TPP2: variants seen among roughly 807,000 people sequenced by gnomAD.
The protein encoded by TPP2 is tripeptidyl-peptidase 2.
A neutral mutation model predicts 155.9 loss-of-function variants in TPP2; 34 were observed. The ratio of observed to expected loss-of-function variants is 0.22; its 90% CI spans 0.17 to 0.29. The LOEUF is 0.29. Among genes scored for constraint, TPP2 ranks in the 10% least tolerant of loss-of-function variants. The pLI is 1.00. For missense variants in TPP2, 1,028 were observed against 1,522.3 expected (o/e 0.68, Z 5.40); for synonymous variants, 510 against 529.4 (o/e 0.96, Z 0.50).
At chr13:102,672,438 G>C (rs1335430570) in intron 27 of TPP2, among the ~76,000 whole-genome samples, 2 of 152,130 alleles carry the variant, frequency 1.3e-5, no homozygotes, top group South Asian at 4.1e-4. Context: ...TTGCTCTCAG[G>C]CTCCGGATAA....
At chr13:102,648,429 C>CGTGT (rs56934655) in intron 21 of TPP2, among the ~76,000 whole-genome samples, 20,860 of 147,746 alleles carry the variant, frequency 0.14, 1,657 homozygotes, top group Admixed American at 0.23. Flanking sequence ...ATAAGTTACA[C>CGTGT]GTGTGTGTGT....
At chr13:102,623,989 C>T (rs1243592636) in intron 6 of TPP2, among the ~76,000 whole-genome samples, 3 of 151,830 alleles carry the variant, frequency 2.0e-5, no homozygotes, top group East Asian at 1.9e-4. Flanking sequence ...ATTTTTGATC[C>T]GTGGTTGGTT....
chr13:102,617,288 T>G (rs1318835944), intron 4 of TPP2, among the ~76,000 whole-genome samples: 1 of 152,202 alleles, frequency 6.6e-6, no homozygotes, highest in Non-Finnish European at 1.5e-5. Flanking sequence ...TCAGTTAATA[T>G]ATTAGACCTC....
In TPP2 at chr13:102,620,414, T is replaced by C. The variant is rs572693792; in HGVS notation, c.620+1568T>C. ...CAGGTGGTACTAGATATAATGTAAC[T>C]TTTTTGCATAATACAGTATATCCTA... is the stretch of plus-strand genomic sequence containing the variant. On this transcript the variant is annotated intron_variant, in intron 5 of 29. Coordinates refer to ENST00000376052, the MANE Select transcript of TPP2 (RefSeq NM_001330588.2). 2.0e-5 allele frequency among the ~76,000 whole-genome samples: 3 copies of C among 152,352 alleles called. No homozygotes were observed. The South Asian group carries it at 6.2e-4, about 32-fold the overall frequency.
chr13:102,640,641 A>ATTTTTTTTTTTTTTTTT (rs5806315), intron 16 of TPP2, among the ~76,000 whole-genome samples: 4 of 84,198 alleles, frequency 4.8e-5, no homozygotes, highest in Non-Finnish European at 8.5e-5. Flanking sequence ...CCTGGTAATA[A>ATTTTTTTTTTTTTTTTT]TTTTTTTTTT....
At position 102,604,860 on chromosome 13, in the gene TPP2, C is replaced by T. The variant is rs766522848; in HGVS notation, c.233C>T (p.Thr78Ile). The T allele has an allele frequency of 2.4e-5, 38 of 1,613,990 alleles. No homozygotes were observed. The highest frequency in any genetic ancestry group is 3.1e-5 in the Non-Finnish European group (37 of 1,180,034). Residue 78 changes from threonine to isoleucine, a missense_variant, in exon 2 of 30, where the codon ACT (threonine) becomes ATT (isoleucine). Physicochemically the swap from Thr to Ile is moderately conservative, Grantham distance 89 (BLOSUM62 -1). This residue lies in a region of TPP2 where 300 missense variants were observed against 398.3 expected (regional missense o/e 0.75). Transcript: ENST00000376052. Reference sequence around the variant, plus strand: ...ACAACAGGAAGTGGCGATGTGAATACTGCTACAGAAGTAGAGCCAAAGGAT... The same window carrying T: ...ACAACAGGAAGTGGCGATGTGAATATTGCTACAGAAGTAGAGCCAAAGGAT... ...IDTTGSGDVN[T>I]ATEVEPKDGE...
chr13:102,604,991 C>T (rs1226601650), intron 2 of TPP2, 70 bp downstream of exon 2: 3 of 1,586,056 alleles, frequency 1.9e-6, no homozygotes, highest in East Asian at 2.2e-5. Flanking sequence ...AATGTTTTTA[C>T]CTTACATTTG....
At chr13:102,608,238 A>G (rs1420319974) in intron 2 of TPP2, among the ~76,000 whole-genome samples, 1 of 152,188 alleles carries the variant, frequency 6.6e-6, no homozygotes, top group Non-Finnish European at 1.5e-5. Context: ...CAGTACATTA[A>G]TACATTAAAT....
intron 21 of TPP2, 36 bp from the exon 22 acceptor site, chr13:102,648,871 A>G (rs1040238589): frequency 6.4e-7 from 1 of 1,556,094 alleles, no homozygotes; most frequent in East Asian, 2.3e-5. Flanking sequence ...ACTTGGTTAA[A>G]CTTAACTTTT....
intron 6 of TPP2, among the ~76,000 whole-genome samples, chr13:102,624,774 A>G (rs773180326): frequency 6.7e-6 from 1 of 148,282 alleles, no homozygotes; most frequent in Non-Finnish European, 1.5e-5. Context: ...CTGTCGACAT[A>G]TATTTTTATT....
intron 27 of TPP2, among the ~76,000 whole-genome samples, chr13:102,669,704 G>A (rs542244461): frequency 6.6e-6 from 1 of 152,100 alleles, no homozygotes; most frequent in Admixed American, 6.5e-5. Flanking sequence ...AGTTGAAATC[G>A]TTTAGATAAA....
At chr13:102,675,551 C>T (rs1351377342) in intron 28 of TPP2, among the ~76,000 whole-genome samples, 1 of 152,212 alleles carries the variant, frequency 6.6e-6, no homozygotes, top group Non-Finnish European at 1.5e-5. Context: ...GTGCCAAACA[C>T]TACTTACTAC....
intron 27 of TPP2, among the ~76,000 whole-genome samples, chr13:102,671,062 G>A (rs1884947581): frequency 8.5e-5 from 13 of 152,184 alleles, no homozygotes. Flanking sequence ...AGTATTCCTT[G>A]AGGAAGTACT....
At chr13:102,610,520 GCGC>G (rs1880214780) in intron 2 of TPP2, among the ~76,000 whole-genome samples, 1 of 152,242 alleles carries the variant, frequency 6.6e-6, no homozygotes, top group South Asian at 2.1e-4. Flanking sequence ...GTCAGCCACC[GCGC>G]CCAGCTGTCA....
intron 26 of TPP2, among the ~76,000 whole-genome samples, chr13:102,664,575 T>C (rs907533240): frequency 6.6e-5 from 10 of 152,166 alleles, no homozygotes; most frequent in African/African-American, 2.4e-4. Context: ...GGAATGTAAA[T>C]AAGGTATTTT....
chr13:102,632,306 A>C (rs1029997168), intron 10 of TPP2, among the ~76,000 whole-genome samples: 1 of 151,226 alleles, frequency 6.6e-6, no homozygotes, highest in Non-Finnish European at 1.5e-5. Context: ...GTGCAGTGGC[A>C]TGATCTCGGC....
intron 25 of TPP2, among the ~76,000 whole-genome samples, chr13:102,659,354 C>T (rs1361933732): frequency 2.0e-5 from 3 of 152,140 alleles, no homozygotes; most frequent in Admixed American, 6.5e-5. Flanking sequence ...CATTAACCTA[C>T]ATATCCAGGG....
At chr13:102,662,724 A>G (rs1373531353) in intron 25 of TPP2, among the ~76,000 whole-genome samples, 3 of 152,190 alleles carry the variant, frequency 2.0e-5, no homozygotes, top group African/African-American at 7.2e-5. Context: ...TTATTTTTAT[A>G]CTACTGTGCA....
At chr13:102,612,116 TA>T (rs540531001) in intron 2 of TPP2, among the ~76,000 whole-genome samples, 1 of 152,026 alleles carries the variant, frequency 6.6e-6, no homozygotes, top group African/African-American at 2.4e-5. Flanking sequence ...TTTTGGTTTT[TA>T]AAAAAAATAA....
Sources: allele counts gnomAD v4.1 joint callset (sites outside exome capture counted in the v4.1 genomes callset), GRCh38; gene constraint gnomAD v4.1.1; regional missense constraint gnomAD v4.1.1; transcripts MANE v1.5; gene names NCBI Gene and HGNC (gene_info 2026-07-23, HGNC 2026-07-21).